The following GRTP1 variants were observed in gnomAD, a reference collection of about 807,000 sequenced individuals.
GRTP1 encodes the protein growth hormone regulated TBC protein 1, also known as growth hormone-regulated TBC protein 1.
A neutral mutation model predicts 38.1 loss-of-function variants in GRTP1; 56 were observed. The ratio of observed to expected loss-of-function variants is 1.47; its 90% CI spans 1.19 to 1.84. The LOEUF (loss-of-function observed/expected upper bound fraction) is 1.84, where lower values mean the gene tolerates loss of function less well. Ranked by LOEUF, GRTP1 falls within the 40% of genes most tolerant of loss-of-function variation. The probability of loss-of-function intolerance (pLI) is 0.00; values close to 1 mark genes in which losing one functional copy is unlikely to be tolerated. For synonymous variants in GRTP1, 217 were observed against 189.5 expected (o/e 1.14, Z -1.19); for missense variants, 506 against 453.9 (o/e 1.11, Z -1.04).
At chr13:113,336,831 C>A (rs547331470) in intron 5 of GRTP1, among the ~76,000 whole-genome samples, 1 of 145,560 alleles carries the variant, frequency 6.9e-6, no homozygotes, top group Admixed American at 7.0e-5. Context: ...ACAGCAGATG[C>A]GTGAGGGTGA....
At chr13:113,357,337 C>T (rs2043411922) in intron 2 of GRTP1, among the ~76,000 whole-genome samples, 3 of 149,756 alleles carry the variant, frequency 2.0e-5, no homozygotes, top group Non-Finnish European at 1.5e-5. Context: ...CCTAGCTACT[C>T]GGCAGACTGA....
intron 5 of GRTP1, among the ~76,000 whole-genome samples, chr13:113,340,452 C>T (rs1054255153): frequency 1.3e-5 from 2 of 151,998 alleles, no homozygotes; most frequent in African/African-American, 4.8e-5. Flanking sequence ...GCACTCCAGC[C>T]TGGGTGACAG....
At chr13:113,356,646 A>T (rs561021154) in intron 2 of GRTP1, among the ~76,000 whole-genome samples, 1 of 152,340 alleles carries the variant, frequency 6.6e-6, no homozygotes, top group South Asian at 2.1e-4. Flanking sequence ...CAATTTGTAA[A>T]ATTCTATAAG....
At chr13:113,336,348 A>AAAAAAACAAAC (rs139525102) in intron 5 of GRTP1, among the ~76,000 whole-genome samples, 3 of 149,528 alleles carry the variant, frequency 2.0e-5, no homozygotes, top group African/African-American at 7.5e-5. Flanking sequence ...ATTTAATTAA[A>AAAAAAACAAAC]AAACAAACAA....
At chr13:113,329,774 C>T (rs935502736) in intron 5 of GRTP1, among the ~76,000 whole-genome samples, 1 of 152,202 alleles carries the variant, frequency 6.6e-6, no homozygotes, top group Non-Finnish European at 1.5e-5. Flanking sequence ...GTGGGGCTCA[C>T]CCCCACTGAT....
At chr13:113,345,216 G>C (rs1007451018) in intron 4 of GRTP1, among the ~76,000 whole-genome samples, 4 of 152,198 alleles carry the variant, frequency 2.6e-5, no homozygotes, top group Non-Finnish European at 5.9e-5. Context: ...TAAAATCAAA[G>C]ACTCTTCCAC....
chr13:113,348,118 T>A lies in GRTP1; in HGVS notation c.465+2731A>T, dbSNP rs1433085868. Among the ~76,000 whole-genome samples the A allele has an allele frequency of 6.6e-6, 1 of 152,044 alleles. No homozygotes were observed. Reference sequence around the variant, plus strand: ...CTGGACCTGGGAGAGGGCGACCATGTGGACAGTGTGGACACATGGAAATGC... The same window carrying A: ...CTGGACCTGGGAGAGGGCGACCATGAGGACAGTGTGGACACATGGAAATGC... On this transcript the variant is annotated intron_variant, in intron 4 of 7. Transcript: ENST00000375431. The surrounding 1 kb of genome is among the most constrained non-coding windows in gnomAD (Gnocchi z 4.8).
At position 113,325,399 on chromosome 13, in the gene GRTP1, C is replaced by G. The variant is rs2042744609; in HGVS notation, c.921+262G>C. On this transcript the variant is annotated intron_variant, in intron 7 of 7. Coordinates refer to ENST00000375431, the MANE Select transcript of GRTP1 (RefSeq NM_024719.4). ...TCGGGAAGCCACACTTCTGGCACCA[C>G]ACACAGCAGATGAGTACAGCCATTA... 8 of 1,434,990 alleles carry G rather than the reference C, an allele frequency of 5.6e-6. No homozygotes were observed. In the South Asian group the frequency reaches 1.2e-4, roughly 22 times the overall value. 88.9% of individuals were successfully genotyped at this position (1,434,990 alleles called of 1,614,324 possible). A position where few individuals can be genotyped will look rare whatever the true frequency, so the allele number is the denominator to read the frequency against.
chr13:113,325,026 C>T lies in GRTP1; in HGVS notation c.922-449G>A, dbSNP rs920757319. 6 of 742,202 alleles carry T rather than the reference C, an allele frequency of 8.1e-6. No homozygotes were observed. In the African/African-American group the frequency reaches 1.1e-4, roughly 14 times the overall value. The allele number at this position is 742,202 out of a possible 1,614,324, so 46.0% of individuals were successfully genotyped here. On this transcript the variant is annotated intron_variant, in intron 7 of 7. Coordinates refer to ENST00000375431, the MANE Select transcript of GRTP1 (RefSeq NM_024719.4). ...GTATTTTTTAGTAGAGACGGGGTTT[C>T]ACCGTGTTGGCCAGGCTGGTCTTGA... is the stretch of plus-strand genomic sequence containing the variant.
intron 4 of GRTP1, among the ~76,000 whole-genome samples, chr13:113,350,204 T>G (rs1326739932): frequency 6.6e-6 from 1 of 152,120 alleles, no homozygotes; most frequent in East Asian, 1.9e-4. Context: ...GGCTCCTGGT[T>G]GCCCTGCATT....
chr13:113,346,133 CA>C lies in GRTP1; in HGVS notation c.466-1175del, dbSNP rs1566429241. Among the ~76,000 whole-genome samples the C allele has an allele frequency of 6.8e-3, 293 of 43,350 alleles. 25 individuals carry two copies. The highest frequency in any genetic ancestry group is 0.022 in the Middle Eastern group (2 of 90). 28.4% of individuals were successfully genotyped at this position (43,350 alleles called of 152,430 possible). ...ACAGACCCGGGAGGACCTCTGTGGA[CA>C]AGAGCAGACCCGGGAGGACCTCTGT... On this transcript the variant is annotated intron_variant, in intron 4 of 7. Transcript: ENST00000375431.
At chr13:113,332,122 A>G (rs1200847875) in intron 5 of GRTP1, among the ~76,000 whole-genome samples, 1 of 152,048 alleles carries the variant, frequency 6.6e-6, no homozygotes, top group Non-Finnish European at 1.5e-5. Flanking sequence ...TAGCCATGAA[A>G]TAGCAACAAT....
At chr13:113,345,090 A>G (rs2043081255) in intron 4 of GRTP1, 131 bp from the exon 5 acceptor site, 1 of 997,516 alleles carries the variant, frequency 1.0e-6, no homozygotes, top group Non-Finnish European at 1.4e-6. Flanking sequence ...TAATTGCAGA[A>G]TGATCCTTTA....
chr13:113,354,632 G>A (rs1312513463), intron 3 of GRTP1, among the ~76,000 whole-genome samples: 6 of 151,748 alleles, frequency 4.0e-5, no homozygotes, highest in Admixed American at 2.0e-4. Context: ...GGGTTCAAGC[G>A]ATTCTCCTGC....
chr13:113,352,458 C>T (rs1477770678), intron 3 of GRTP1, among the ~76,000 whole-genome samples: 1 of 149,596 alleles, frequency 6.7e-6, no homozygotes, highest in Non-Finnish European at 1.5e-5. Context: ...ACTGCATCCT[C>T]GACCTCCAGG....
intron 2 of GRTP1, 131 bp downstream of exon 2, chr13:113,363,631 C>G (rs1428945364): frequency 3.1e-6 from 3 of 958,386 alleles, no homozygotes; most frequent in Non-Finnish European, 4.5e-6. Flanking sequence ...GCTCGGAGCC[C>G]GCAGCTTCGT....
chr13:113,325,853 A>T lies in GRTP1; in HGVS notation c.736-7T>A. 6.2e-7 allele frequency: 1 copy of T among 1,613,914 alleles called. No individual in the cohort carries two copies. The highest frequency in any genetic ancestry group is 8.5e-7 in the Non-Finnish European group (1 of 1,179,888). The stretch of plus-strand genomic sequence containing the variant: ...CCCAGATCCGAAGCACTGTCTGCAG[A>T]GACATGGGAACCCGGTGTCACTCCC... On this transcript the variant is annotated splice_polypyrimidine_tract_variant and splice_region_variant and intron_variant, in intron 6 of 7. Transcript: ENST00000375431.
rs1286760471 is a variant in GRTP1 at position 113,353,568 on chromosome 13, A to AG, written c.340+1754dup. Among the ~76,000 whole-genome samples the AG allele has an allele frequency of 3.3e-5, 5 of 152,242 alleles. No homozygotes were observed. The East Asian group carries it at 9.6e-4, about 29-fold the overall frequency. On this transcript the variant is annotated intron_variant, in intron 3 of 7. Coordinates refer to ENST00000375431, the MANE Select transcript of GRTP1 (RefSeq NM_024719.4). ...CTGGAGTTGCCAAAGCACGGAGACA[A>AG]GCGTACAGTGGGACTGCCAGGGGCT...
At chr13:113,359,214 A>ATG (rs2043449592) in intron 2 of GRTP1, among the ~76,000 whole-genome samples, 1 of 152,214 alleles carries the variant, frequency 6.6e-6, no homozygotes. Context: ...GAGCTCAGTG[A>ATG]TGTGAGCAGT....
Sources: gnomAD v4.1 joint callset for allele counts (sites outside exome capture counted in the v4.1 genomes callset) on GRCh38, gnomAD v4.1.1 for gene constraint, Gnocchi (gnomAD v3.1) non-coding constraint, MANE v1.5 for transcripts, NCBI Gene and HGNC (gene_info 2026-07-23, HGNC 2026-07-21) for gene names.